The following PCDH7 variants were observed in gnomAD, a reference collection of about 807,000 sequenced individuals.
The protein encoded by PCDH7 is protocadherin 7, also known as protocadherin-7.
A neutral mutation model predicts 58.9 loss-of-function variants in PCDH7; 17 were observed. That is an observed-to-expected ratio of 0.29 (90% CI 0.20 to 0.43). The LOEUF is 0.43. Among genes scored for constraint, PCDH7 ranks in the 20% least tolerant of loss-of-function variants. The pLI is 1.00. For missense variants in PCDH7, 1,274 were observed against 1,441.0 expected (o/e 0.88, Z 1.88); for synonymous variants, 664 against 616.4 (o/e 1.08, Z -1.14).
At chr4:31,033,692 T>C (rs972920883) in intron 3 of PCDH7, among the ~76,000 whole-genome samples, 1 of 152,164 alleles carries the variant, frequency 6.6e-6, no homozygotes, top group Non-Finnish European at 1.5e-5. Flanking sequence ...AAATCATTTC[T>C]CCATCCAATC....
At chr4:30,828,540 A>T (rs546786489) in intron 1 of PCDH7, among the ~76,000 whole-genome samples, 4 of 152,080 alleles carry the variant, frequency 2.6e-5, no homozygotes, top group African/African-American at 9.6e-5. Context: ...TGTGTTCATC[A>T]TGAAATCTAA....
At chr4:30,831,158 G>T (rs1729726826) in intron 1 of PCDH7, among the ~76,000 whole-genome samples, 1 of 152,048 alleles carries the variant, frequency 6.6e-6, no homozygotes, top group Admixed American at 6.6e-5. Context: ...TTCTGTGGGG[G>T]TTATGATGCT....
chr4:30,939,253 C>T (rs1363021589), intron 2 of PCDH7, among the ~76,000 whole-genome samples: 1 of 152,080 alleles, frequency 6.6e-6, no homozygotes, highest in Non-Finnish European at 1.5e-5. Context: ...GTAAATGTGC[C>T]TGTTATTTAT....
At chr4:30,889,692 T>C (rs1738351679) in intron 1 of PCDH7, among the ~76,000 whole-genome samples, 2 of 152,160 alleles carry the variant, frequency 1.3e-5, no homozygotes, top group African/African-American at 4.8e-5. Context: ...TCTTGCTTTC[T>C]TACACTGTGG....
chr4:30,740,878 C>T (rs1228339143), intron 1 of PCDH7, among the ~76,000 whole-genome samples: 3 of 50,970 alleles, frequency 5.9e-5, no homozygotes, highest in East Asian at 3.6e-4. Context: ...TTTTATGATA[C>T]ATGCTTTTTT....
chr4:31,142,698 A>G (rs760493736), exon 4 of PCDH7: 1 of 1,367,750 alleles, frequency 7.3e-7, no homozygotes, highest in African/African-American at 1.5e-5. Flanking sequence ...AACCTCCTGA[A>G]CAAAAAGTTG....
chr4:30,808,228 C>A (rs1011642355), intron 1 of PCDH7, among the ~76,000 whole-genome samples: 1 of 152,068 alleles, frequency 6.6e-6, no homozygotes, highest in Non-Finnish European at 1.5e-5. Flanking sequence ...CAAGTATGAC[C>A]AAAGAGCTGC....
chr4:30,846,753 G>A (rs1371099112), intron 1 of PCDH7, among the ~76,000 whole-genome samples: 9 of 152,062 alleles, frequency 5.9e-5, no homozygotes, highest in Admixed American at 5.9e-4. Flanking sequence ...ACATTTTATT[G>A]TTGTTCAAAA....
chr4:31,104,519 T>C (rs897259206), intron 3 of PCDH7, among the ~76,000 whole-genome samples: 2 of 152,226 alleles, frequency 1.3e-5, no homozygotes, highest in African/African-American at 4.8e-5. Flanking sequence ...TCATTTTCTA[T>C]AGCAGTACAC....
intron 3 of PCDH7, among the ~76,000 whole-genome samples, chr4:30,982,573 T>C (rs961435448): frequency 2.6e-5 from 4 of 152,218 alleles, no homozygotes; most frequent in African/African-American, 9.6e-5. Context: ...GACTCCTAAT[T>C]TGAGAATCCT....
chr4:31,017,473 C>T (rs1036220123), intron 3 of PCDH7, among the ~76,000 whole-genome samples: 1 of 151,966 alleles, frequency 6.6e-6, no homozygotes, highest in Admixed American at 6.6e-5. Context: ...AACAGACTTT[C>T]GGAATCACTT....
At chr4:30,963,087 C>T (rs1461455530) in intron 3 of PCDH7, among the ~76,000 whole-genome samples, 1 of 152,296 alleles carries the variant, frequency 6.6e-6, no homozygotes, top group East Asian at 1.9e-4. Flanking sequence ...TGGTAGACAA[C>T]TGAAGCCATC....
chr4:30,753,843 C>G (rs574576507), intron 1 of PCDH7, among the ~76,000 whole-genome samples: 5 of 152,080 alleles, frequency 3.3e-5, no homozygotes, highest in African/African-American at 1.2e-4. Flanking sequence ...GATTTCATTG[C>G]ACATATAAAT....
intron 3 of PCDH7, among the ~76,000 whole-genome samples, chr4:30,977,117 T>C (rs1419581349): frequency 2.0e-5 from 3 of 152,202 alleles, no homozygotes; most frequent in Non-Finnish European, 2.9e-5. Context: ...GTCATATCGT[T>C]CTTTAAAAGC....
chr4:30,910,316 A>C (rs1741557968), intron 1 of PCDH7, among the ~76,000 whole-genome samples: 2 of 152,216 alleles, frequency 1.3e-5, no homozygotes, highest in African/African-American at 4.8e-5. Context: ...AAAAGCCAAA[A>C]TTGACATATG....
At chr4:30,901,686 T>A (rs1304699957) in intron 1 of PCDH7, among the ~76,000 whole-genome samples, 1 of 152,096 alleles carries the variant, frequency 6.6e-6, no homozygotes, top group East Asian at 1.9e-4. Flanking sequence ...GCAGATAATG[T>A]CTGGTGGAGT....
In PCDH7 at chr4:30,964,246, A is replaced by AT. The variant is rs1403767312; in HGVS notation, c.*7+14034dup. On this transcript the variant is annotated intron_variant, in intron 3 of 3. Coordinates refer to the PCDH7 transcript ENST00000509759. ...GTTTTATTTATTTATTTATTTATTT[A>AT]TTTATTTTTTTTTGAGATGAAATCT... 6.1e-3 allele frequency among the ~76,000 whole-genome samples: 298 copies of AT among 48,980 alleles called. 3 individuals carry two copies. Among genetic ancestry groups the AT allele is most frequent in the East Asian group, 0.026 (51 of 1,934 alleles). The allele number at this position is 48,980 out of a possible 152,430, so 32.1% of individuals were successfully genotyped here. A position where few individuals can be genotyped will look rare whatever the true frequency, so the allele number is the denominator to read the frequency against.
intron 1 of PCDH7, among the ~76,000 whole-genome samples, chr4:30,815,000 A>G (rs1237909698): frequency 6.6e-6 from 1 of 152,134 alleles, no homozygotes; most frequent in Non-Finnish European, 1.5e-5. Context: ...CAGCTTTGAG[A>G]CAGATTAACA....
rs543615816 is a variant in PCDH7, at chr4:30,857,703, C to T, written c.71-62450C>T. Among the ~76,000 whole-genome samples the T allele has an allele frequency of 2.6e-5, 4 of 152,146 alleles. No homozygotes were observed. In the East Asian group the frequency reaches 7.8e-4, roughly 30 times the overall value. The stretch of plus-strand genomic sequence containing the variant: ...CCTGACAGTTCATTAAGTGTGTTTT[C>T]CTCTACCTCATACTGACCTTTTGCA... On this transcript the variant is annotated intron_variant, in intron 1 of 3. Transcript: ENST00000509759.
Sources: gnomAD v4.1 joint callset for allele counts (sites outside exome capture counted in the v4.1 genomes callset) on GRCh38, gnomAD v4.1.1 for gene constraint, MANE v1.5 for transcripts, NCBI Gene and HGNC (gene_info 2026-07-23, HGNC 2026-07-21) for gene names.